Variants in TP53TG3D observed in about 807,000 individuals in gnomAD.
The protein encoded by TP53TG3D is TP53-target gene 3 protein.
For missense variants in TP53TG3D, 4 were observed against 139.9 expected (o/e 0.03, Z 4.90); for synonymous variants, 2 against 56.9 (o/e 0.04, Z 4.34).
In TP53TG3D at chr16:32,255,010, A is replaced by C; in HGVS notation, c.*107A>C. 5 of 1,310,848 alleles carry C rather than the reference A, an allele frequency of 3.8e-6. 1 individual carries two copies. The South Asian group carries it at 6.2e-5, about 16-fold the overall frequency. 81.2% of individuals were successfully genotyped at this position (1,310,848 alleles called of 1,614,324 possible). A position where few individuals can be genotyped will look rare whatever the true frequency, so the allele number is the denominator to read the frequency against. ...CGTGGGACATCTCTCTGGAGCATCAATATTACTGCAGTATTTGGAAGAAAC... is the reference window on the plus strand; with the variant it reads ...CGTGGGACATCTCTCTGGAGCATCACTATTACTGCAGTATTTGGAAGAAAC... On this transcript the variant is annotated 3_prime_UTR_variant, in exon 2 of 2. Coordinates refer to ENST00000398664, the Ensembl canonical transcript of TP53TG3D.
exon 2 of TP53TG3D, chr16:32,255,125 C>G (rs566015581): frequency 1.2e-6 from 1 of 835,870 alleles, no homozygotes; most frequent in East Asian, 2.8e-5. Flanking sequence ...TTGTCCTTAA[C>G]GTCAGACTTT....
exon 1 of TP53TG3D, chr16:32,253,670 C>A: frequency 6.2e-7 from 1 of 1,607,080 alleles, no homozygotes; most frequent in Non-Finnish European, 8.5e-7. Flanking sequence ...TGCAGATCAA[C>A]AAAGGGTCGG....
chr16:32,255,363 T>G (rs1962203160), exon 2 of TP53TG3D: 1 of 248,564 alleles, frequency 4.0e-6, no homozygotes, highest in Non-Finnish European at 7.9e-6. Flanking sequence ...TATTGATTTA[T>G]TTTTGCAACC....
exon 2 of TP53TG3D, chr16:32,255,077 A>G: frequency 7.1e-7 from 1 of 1,403,474 alleles, no homozygotes; most frequent in Admixed American, 2.0e-5. Flanking sequence ...AACATTTAAG[A>G]CAAGTCTGGA....
At chr16:32,255,099 C>T (rs1423007563) in exon 2 of TP53TG3D, 1 of 1,140,376 alleles carries the variant, frequency 8.8e-7, no homozygotes, top group Non-Finnish European at 1.3e-6. Flanking sequence ...AGTCATCTGC[C>T]TTTAATAACT....
exon 2 of TP53TG3D, chr16:32,254,918 C>T (rs750290310): frequency 1.3e-6 from 2 of 1,594,706 alleles, no homozygotes; most frequent in Admixed American, 1.7e-5. Flanking sequence ...TGCACGACTA[C>T]TCGCTTCTGA....
exon 2 of TP53TG3D, chr16:32,254,931 C>CTAT (rs770456086): frequency 6.3e-7 from 1 of 1,575,300 alleles, no homozygotes; most frequent in East Asian, 2.3e-5. Context: ...GCTTCTGAAA[C>CTAT]TGATAGACAC....
chr16:32,254,743 G>A (rs1423614724), intron 1 of TP53TG3D, 148 bp from the exon 2 acceptor site: 2 of 1,526,374 alleles, frequency 1.3e-6, no homozygotes, highest in Non-Finnish European at 1.8e-6. Flanking sequence ...TTTGTGTGGT[G>A]AGGTCAGGGA....
exon 1 of TP53TG3D, chr16:32,253,469 A>ACGGTTCCGCTCC (rs1441159016): frequency 8.8e-7 from 1 of 1,141,302 alleles, no homozygotes; most frequent in Admixed American, 2.6e-5. Flanking sequence ...ACGGTTGAAG[A>ACGGTTCCGCTCC]CGGTTCCGCT....
At position 32,254,809 on chromosome 16, in the gene TP53TG3D, T is replaced by G; in HGVS notation, c.363-82T>G. 10 of 1,607,632 alleles carry G rather than the reference T, an allele frequency of 6.2e-6. 1 individual carries two copies. In the South Asian group the frequency reaches 1.1e-4, roughly 18 times the overall value. ...TCCCTTGGAAAATAATATCTCTTTT[T>G]AAATACCCCCTTGGACCACTTTTAA... On this transcript the variant is annotated intron_variant, in intron 1 of 1. Coordinates refer to ENST00000398664, the Ensembl canonical transcript of TP53TG3D.
At chr16:32,254,816 C>G in intron 1 of TP53TG3D, 75 bp from the exon 2 acceptor site, 1 of 1,606,928 alleles carries the variant, frequency 6.2e-7, no homozygotes, top group South Asian at 1.1e-5. Flanking sequence ...TTTTAAATAC[C>G]CCCTTGGACC....
intron 1 of TP53TG3D, 120 bp downstream of exon 1, chr16:32,253,835 GC>G: frequency 7.0e-7 from 1 of 1,422,356 alleles, no homozygotes; most frequent in South Asian, 1.3e-5. Context: ...GCGCAGTGCG[GC>G]CCGTCCCTAG....
In TP53TG3D at chr16:32,254,700, C is replaced by T. The variant is rs1263744370; in HGVS notation, c.363-191C>T. The T allele has an allele frequency of 9.6e-6, 14 of 1,453,576 alleles. No homozygotes were observed. The East Asian group carries it at 2.3e-4, about 24-fold the overall frequency. 90.0% of individuals were successfully genotyped at this position (1,453,576 alleles called of 1,614,324 possible). ...TTAATGCAGGTCAGCAGGACCAGAG[C>T]GCCCCTTGGTCCCTCCCAACACATG... On this transcript the variant is annotated intron_variant, in intron 1 of 1. Coordinates refer to ENST00000398664, the Ensembl canonical transcript of TP53TG3D.
intron 1 of TP53TG3D, chr16:32,253,941 ACAAAGGGCCGTTCGCCTTT>A: frequency 2.3e-6 from 2 of 878,836 alleles, no homozygotes; most frequent in Non-Finnish European, 3.2e-6. Context: ...CTGTCAGCCA[ACAAAGGGCCGTTCGCCTTT>A]CATGGCCTCC....
chr16:32,254,763 C>G lies in TP53TG3D; in HGVS notation c.363-128C>G, dbSNP rs1430174586. Reference sequence around the variant, plus strand: ...GTGGTGAGGTCAGGGATAGTGTCTGCGCTTCTACCCTGAATAGGGCTCCCT... The same window carrying G: ...GTGGTGAGGTCAGGGATAGTGTCTGGGCTTCTACCCTGAATAGGGCTCCCT... On this transcript the variant is annotated intron_variant, in intron 1 of 1. Coordinates refer to ENST00000398664, the Ensembl canonical transcript of TP53TG3D. 43 of 1,566,096 alleles carry G rather than the reference C, an allele frequency of 2.7e-5. No individual in the cohort carries two copies. The South Asian group carries it at 3.3e-4, about 12-fold the overall frequency.
At chr16:32,254,413 AC>A (rs1962167136) in intron 1 of TP53TG3D, 3 of 1,529,370 alleles carry the variant, frequency 2.0e-6, no homozygotes, top group Non-Finnish European at 2.6e-6. Flanking sequence ...AATTCTCTGC[AC>A]CCCAGGAGTG....
chr16:32,254,773 C>T (rs553478701), intron 1 of TP53TG3D, 118 bp from the exon 2 acceptor site: 1 of 1,590,304 alleles, frequency 6.3e-7, no homozygotes, highest in Non-Finnish European at 8.6e-7. Flanking sequence ...CGCTTCTACC[C>T]TGAATAGGGC....
chr16:32,255,584 G>T (rs1246175464), exon 2 of TP53TG3D: 4 of 45,412 alleles, frequency 8.8e-5, no homozygotes, highest in Admixed American at 5.2e-4. Flanking sequence ...TCCTCAGATT[G>T]GATAAATTAT....
At chr16:32,254,964 G>A in exon 2 of TP53TG3D, 1 of 1,302,460 alleles carries the variant, frequency 7.7e-7, no homozygotes, top group East Asian at 2.4e-5. Context: ...GTGCAGGGCA[G>A]ACGCACAAGA....
Sources: allele counts gnomAD v4.1 joint callset, GRCh38; gene constraint gnomAD v4.1.1; transcripts MANE v1.5; gene names NCBI Gene and HGNC (gene_info 2026-07-23, HGNC 2026-07-21).